Variants in PLXDC1 observed in about 807,000 individuals in gnomAD.
The protein encoded by PLXDC1 is plexin domain-containing protein 1.
In PLXDC1, 39 loss-of-function variants were observed where a neutral mutation model predicts 61.3. The ratio of observed to expected loss-of-function variants is 0.64; its 90% CI spans 0.49 to 0.83. The LOEUF is 0.83. PLXDC1 is among the 40% of genes least tolerant of loss of function. PLXDC1 has a pLI of 0.00. For missense variants in PLXDC1, 596 were observed against 666.5 expected (o/e 0.89, Z 1.17); for synonymous variants, 212 against 254.5 (o/e 0.83, Z 1.59).
intron 2 of PLXDC1, 135 bp from the exon 3 acceptor site, chr17:39,109,526 A>C: frequency 9.2e-7 from 1 of 1,088,362 alleles, no homozygotes; most frequent in Non-Finnish European, 1.3e-6. Flanking sequence ...CTGTGGCCCC[A>C]AGGGCTGATT....
chr17:39,132,185 C>A (rs1911586810), intron 2 of PLXDC1: 1 of 152,538 alleles, frequency 6.6e-6, no homozygotes, highest in East Asian at 1.9e-4. Flanking sequence ...ACCATGGAAC[C>A]AAGTAAACAT....
intron 2 of PLXDC1, among the ~76,000 whole-genome samples, chr17:39,110,551 C>T (rs1410510412): frequency 1.3e-5 from 2 of 152,188 alleles, no homozygotes; most frequent in African/African-American, 4.8e-5. Context: ...GCACCAGCCG[C>T]AGGAGGAATG....
chr17:39,111,848 C>G (rs561873690), intron 2 of PLXDC1: 177 of 152,494 alleles, frequency 1.2e-3, no homozygotes, highest in African/African-American at 4.1e-3. Flanking sequence ...AGCCACCAGC[C>G]CTGGAGTCTC....
In PLXDC1 at chr17:39,090,963, G is replaced by C. The variant is rs570888404; in HGVS notation, c.812-3261C>G. On this transcript the variant is annotated intron_variant, in intron 7 of 13. Coordinates refer to ENST00000315392, the MANE Select transcript of PLXDC1 (RefSeq NM_020405.5). ...CCCCAGTTCCCCGCTGCTGTGGAGA[G>C]AGAGGAGGCCCACAGAGGCGGCCTG... Among the ~76,000 whole-genome samples, 22 of 152,320 alleles carry C rather than the reference G, an allele frequency of 1.4e-4. No homozygotes were observed. In the East Asian group the frequency reaches 4.2e-3, roughly 29 times the overall value.
intron 11 of PLXDC1, among the ~76,000 whole-genome samples, chr17:39,075,053 A>G (rs1460228962): frequency 1.3e-5 from 2 of 151,916 alleles, no homozygotes; most frequent in Non-Finnish European, 2.9e-5. Flanking sequence ...TCAACCTCCT[A>G]GGCTTAACCA....
intron 2 of PLXDC1, among the ~76,000 whole-genome samples, chr17:39,126,378 T>C (rs941415963): frequency 4.6e-5 from 7 of 152,198 alleles, no homozygotes; most frequent in Non-Finnish European, 1.0e-4. Context: ...CAACGTATAA[T>C]GAAACCAATT....
At chr17:39,107,904 G>C (rs2143672769) in intron 5 of PLXDC1, 1 of 605,390 alleles carries the variant, frequency 1.7e-6, no homozygotes, top group Non-Finnish European at 2.9e-6. Context: ...CCTCGACTAA[G>C]AGCCAAGCAC....
chr17:39,139,712 TC>T lies in PLXDC1; in HGVS notation c.196del (p.Asp66ThrfsTer44). The T allele has an allele frequency of 6.2e-7, 1 of 1,613,732 alleles. No homozygotes were observed. Among genetic ancestry groups the T allele is most frequent in the Non-Finnish European group, 8.5e-7 (1 of 1,179,946 alleles). ...SEPDRTQLSQ[D>X]LGGGTLAMDT... ...CATGGCCAGGGTGCCCCCACCCAGG[TC>T]CTGGCTCAGCTGGGTCCTGTCCGGC... On this transcript the variant is annotated frameshift_variant, in exon 2 of 14. Coordinates refer to ENST00000315392, the MANE Select transcript of PLXDC1 (RefSeq NM_020405.5). LOFTEE classifies it high-confidence loss of function.
At chr17:39,121,993 A>C (rs1348637941) in intron 2 of PLXDC1, among the ~76,000 whole-genome samples, 2 of 147,838 alleles carry the variant, frequency 1.4e-5, no homozygotes, top group Non-Finnish European at 1.5e-5. Context: ...GCTGCTCGGG[A>C]GGTTGACACA....
chr17:39,150,396 C>G (rs2045365257), intron 1 of PLXDC1, among the ~76,000 whole-genome samples: 2 of 152,190 alleles, frequency 1.3e-5, no homozygotes, highest in South Asian at 4.1e-4. Context: ...CAGCACTCAC[C>G]TCAACAGCGC....
intron 8 of PLXDC1, 48 bp from the exon 9 acceptor site, chr17:39,083,588 G>T: frequency 7.1e-7 from 1 of 1,410,406 alleles, no homozygotes. Flanking sequence ...CTCTCCTTGG[G>T]CTCCAAAGGG....
intron 2 of PLXDC1, chr17:39,112,111 T>C (rs1011384894): frequency 6.6e-6 from 1 of 152,226 alleles, no homozygotes; most frequent in Non-Finnish European, 1.5e-5. Context: ...CAAAGCTCCG[T>C]GCGTGGCACT....
chr17:39,129,639 A>AAG (rs142405651), intron 2 of PLXDC1, among the ~76,000 whole-genome samples: 48 of 139,898 alleles, frequency 3.4e-4, no homozygotes, highest in African/African-American at 5.5e-4. Context: ...AAAAGAAAGA[A>AAG]AGAGAGAGAG....
chr17:39,149,019 G>A (rs1301984519), intron 1 of PLXDC1, among the ~76,000 whole-genome samples: 1 of 152,090 alleles, frequency 6.6e-6, no homozygotes, highest in Non-Finnish European at 1.5e-5. Flanking sequence ...ATGCACCTCT[G>A]GTTCCATCTG....
chr17:39,121,821 G>C (rs567066548), intron 2 of PLXDC1, among the ~76,000 whole-genome samples: 23 of 152,298 alleles, frequency 1.5e-4, no homozygotes, highest in African/African-American at 4.8e-4. Flanking sequence ...CCCGTAATAA[G>C]AATGGGTGAC....
intron 2 of PLXDC1, among the ~76,000 whole-genome samples, chr17:39,124,350 T>A (rs1004790784): frequency 8.5e-5 from 13 of 152,180 alleles, no homozygotes; most frequent in Non-Finnish European, 1.6e-4. Context: ...CCCAATACTA[T>A]GAGAGGCAAA....
chr17:39,111,841 C>T (rs796861567), intron 2 of PLXDC1: 30 of 152,488 alleles, frequency 2.0e-4, no homozygotes, highest in African/African-American at 7.2e-4. Flanking sequence ...CTGCCACAGC[C>T]ACCAGCCCTG....
intron 10 of PLXDC1, 69 bp from the exon 11 acceptor site, chr17:39,078,117 C>T: frequency 2.1e-6 from 3 of 1,417,874 alleles, no homozygotes; most frequent in Non-Finnish European, 2.8e-6. Flanking sequence ...AAAGCATCTT[C>T]TCTTACAGGG....
chr17:39,102,034 C>T (rs1175513279), intron 7 of PLXDC1, among the ~76,000 whole-genome samples: 4 of 152,162 alleles, frequency 2.6e-5, no homozygotes, highest in Non-Finnish European at 5.9e-5. Flanking sequence ...GGGGAAAGAA[C>T]TCCTGGCCTG....
Sources: gnomAD v4.1 joint callset for allele counts (sites outside exome capture counted in the v4.1 genomes callset) on GRCh38, gnomAD v4.1.1 for gene constraint, MANE v1.5 for transcripts, NCBI Gene and HGNC (gene_info 2026-07-23, HGNC 2026-07-21) for gene names.